The following SPRTN variants were observed in gnomAD, a reference collection of about 807,000 sequenced individuals.
SPRTN encodes DNA-dependent metalloprotease SPRTN.
In SPRTN, 11 loss-of-function variants were observed where a neutral mutation model predicts 31.9. The observed-to-expected ratio is 0.34, with a 90% CI of 0.22 to 0.57. The LOEUF (loss-of-function observed/expected upper bound fraction) is 0.57. Among genes scored for constraint, SPRTN ranks in the 20% least tolerant of loss-of-function variants. SPRTN has a pLI of 0.86. For synonymous variants in SPRTN, 185 were observed against 212.1 expected (o/e 0.87, Z 1.11); for missense variants, 482 against 590.1 (o/e 0.82, Z 1.90).
In SPRTN at chr1:231,351,564, G is replaced by T. The variant is rs144560721; in HGVS notation, c.711G>T (p.Glu237Asp). ...GAAAGGAACCAGTATTGGCCGCAGA[G>T]AATAAAGGTACCTTCGTGTATATTC... is the stretch of plus-strand genomic sequence containing the variant. Reference protein sequence around the residue: ...KLGKEPVLAAENKDKPNRGEA... With the variant: ...KLGKEPVLAADNKDKPNRGEA... Residue 237 changes from glutamate to aspartate, a missense_variant, in exon 4 of 5, where the codon GAG becomes GAT. Around this residue, in one of 2 missense-constraint regions of SPRTN, gnomAD observed 325 missense variants for 350.2 expected, o/e 0.93. Coordinates refer to ENST00000295050, the MANE Select transcript of SPRTN (RefSeq NM_032018.7). 332 of 1,613,752 alleles carry T rather than the reference G, an allele frequency of 2.1e-4. 2 individuals are homozygous for T. In the East Asian group the frequency reaches 5.3e-3, roughly 26 times the overall value.
At chr1:231,351,091 A>G (rs1687212184) in intron 3 of SPRTN, among the ~76,000 whole-genome samples, 1 of 151,872 alleles carries the variant, frequency 6.6e-6, no homozygotes, top group African/African-American at 2.4e-5. Flanking sequence ...CAGTTTATGA[A>G]GTATTAACTG....
intron 2 of SPRTN, among the ~76,000 whole-genome samples, chr1:231,346,016 T>A (rs191808616): frequency 2.0e-5 from 3 of 152,212 alleles, no homozygotes; most frequent in African/African-American, 7.2e-5. Flanking sequence ...GGTCTCACTA[T>A]GTTGACCAGG....
intron 3 of SPRTN, among the ~76,000 whole-genome samples, 185 bp downstream of exon 3, chr1:231,348,110 T>C (rs1316790243): frequency 6.6e-6 from 1 of 152,228 alleles, no homozygotes; most frequent in Non-Finnish European, 1.5e-5. Flanking sequence ...GCAGAGCCAG[T>C]GATATCCCTG....
At chr1:231,344,312 T>C (rs1050210674) in intron 2 of SPRTN, among the ~76,000 whole-genome samples, 1 of 152,092 alleles carries the variant, frequency 6.6e-6, no homozygotes, top group African/African-American at 2.4e-5. Context: ...TTGACCTGTC[T>C]GGGTAAGATG....
At chr1:231,349,735 T>TCC (rs1314336199) in intron 3 of SPRTN, among the ~76,000 whole-genome samples, 1 of 152,104 alleles carries the variant, frequency 6.6e-6, no homozygotes, top group Non-Finnish European at 1.5e-5. Flanking sequence ...CCAGGCTGGG[T>TCC]GTGGTGGCTC....
chr1:231,349,258 A>T (rs1021825957), intron 3 of SPRTN, among the ~76,000 whole-genome samples: 1 of 152,178 alleles, frequency 6.6e-6, no homozygotes, highest in Admixed American at 6.5e-5. Flanking sequence ...GATTATAGAC[A>T]TGAGCTACCA....
intron 4 of SPRTN, chr1:231,351,822 TCA>T (rs1307649535): frequency 9.9e-6 from 11 of 1,109,700 alleles, no homozygotes; most frequent in Non-Finnish European, 1.1e-5. Context: ...TTAACTTTTT[TCA>T]GTTTCTTTTT....
intron 2 of SPRTN, among the ~76,000 whole-genome samples, chr1:231,342,497 C>T (rs1055864802): frequency 6.6e-6 from 1 of 150,550 alleles, no homozygotes; most frequent in African/African-American, 2.5e-5. Flanking sequence ...ATGATATGAT[C>T]TCGGCTCACT....
In SPRTN at chr1:231,351,943, A is replaced by G. The variant is rs1291682023; in HGVS notation, c.718+372A>G. The G allele has an allele frequency of 3.9e-6, 4 of 1,014,526 alleles. No homozygotes were observed. In the African/African-American group the frequency reaches 5.2e-5, roughly 13 times the overall value. The allele number at this position is 1,014,526 out of a possible 1,614,324, so 62.8% of individuals were successfully genotyped here. On this transcript the variant is annotated intron_variant, in intron 4 of 4. Transcript: ENST00000295050. Reference sequence around the variant, plus strand: ...CAGAAGGCAAAAAGATTGTCAAAATAAAAACAATAATTCAAGTAACAATGC... The same window carrying G: ...CAGAAGGCAAAAAGATTGTCAAAATGAAAACAATAATTCAAGTAACAATGC...
At chr1:231,343,263 C>T (rs1056840043) in intron 2 of SPRTN, among the ~76,000 whole-genome samples, 1 of 149,286 alleles carries the variant, frequency 6.7e-6, no homozygotes, top group Non-Finnish European at 1.5e-5. Flanking sequence ...GTATATATAC[C>T]CTATAGCCTA....
At chr1:231,352,497 A>G in intron 4 of SPRTN, 113 bp from the exon 5 acceptor site, 1 of 1,479,204 alleles carries the variant, frequency 6.8e-7, no homozygotes, top group Non-Finnish European at 8.9e-7. Flanking sequence ...TGTAAGATGG[A>G]ATAAAATACT....
chr1:231,348,338 C>T (rs1353976177), intron 3 of SPRTN, among the ~76,000 whole-genome samples: 1 of 152,156 alleles, frequency 6.6e-6, no homozygotes, highest in Non-Finnish European at 1.5e-5. Flanking sequence ...AGCAAAGCCT[C>T]AGGTTCAAAA....
Position 231,352,092 on chromosome 1 carries a change from C to T in SPRTN, c.719-518C>T, listed in dbSNP as rs979119590. ...ATATGACATATATTTGCCAGTACTT[C>T]ATCTTCAAGATTTACCCTTTTCCTG... is the stretch of plus-strand genomic sequence containing the variant. On this transcript the variant is annotated intron_variant, in intron 4 of 4. Transcript: ENST00000295050. 7 of 989,240 alleles carry T rather than the reference C, an allele frequency of 7.1e-6. No homozygotes were observed. In the African/African-American group the frequency reaches 1.2e-4, roughly 17 times the overall value. The allele number at this position is 989,240 out of a possible 1,614,324, so 61.3% of individuals were successfully genotyped here. A position where few individuals can be genotyped will look rare whatever the true frequency, so the allele number is the denominator to read the frequency against.
At chr1:231,339,651 G>A (rs1412454613) in intron 1 of SPRTN, 118 bp from the exon 2 acceptor site, 13 of 1,017,872 alleles carry the variant, frequency 1.3e-5, no homozygotes, top group Non-Finnish European at 1.9e-5. Flanking sequence ...CTAACCAAGG[G>A]GGGTATACTT....
chr1:231,349,711 G>A (rs1687164981), intron 3 of SPRTN, among the ~76,000 whole-genome samples: 1 of 152,088 alleles, frequency 6.6e-6, no homozygotes, highest in African/African-American at 2.4e-5. Context: ...ACAGGAATTG[G>A]AAGCAGAACA....
Position 231,353,851 on chromosome 1 carries a change from A to G in SPRTN, c.*490A>G, listed in dbSNP as rs1037065290. 35 of 953,862 alleles carry G rather than the reference A, an allele frequency of 3.7e-5. No homozygotes were observed. Among genetic ancestry groups the G allele is most frequent in the Admixed American group, 6.2e-5 (1 of 16,234 alleles). 59.1% of individuals were successfully genotyped at this position (953,862 alleles called of 1,614,324 possible). The stretch of plus-strand genomic sequence containing the variant: ...TATTGTTTTAGAGTACTCAAATTGT[A>G]TTATTTATTAATTTTTTTGTTTGCA... On this transcript the variant is annotated 3_prime_UTR_variant, in exon 5 of 5. Coordinates refer to ENST00000295050, the MANE Select transcript of SPRTN (RefSeq NM_032018.7).
At chr1:231,340,946 A>G (rs545410360) in intron 2 of SPRTN, among the ~76,000 whole-genome samples, 22 of 152,308 alleles carry the variant, frequency 1.4e-4, no homozygotes, top group Non-Finnish European at 2.8e-4. Flanking sequence ...CAGTGTGAAT[A>G]TACTCAACAC....
At chr1:231,347,766 C>G in intron 2 of SPRTN, 31 bp from the exon 3 acceptor site, 2 of 1,590,434 alleles carry the variant, frequency 1.3e-6, no homozygotes, top group Non-Finnish European at 1.7e-6. Context: ...CATACAGACT[C>G]TAAAACTAAT....
At chr1:231,352,376 A>G in intron 4 of SPRTN, 1 of 1,197,348 alleles carries the variant, frequency 8.4e-7, no homozygotes, top group Non-Finnish European at 1.0e-6. Flanking sequence ...TGGCATGATA[A>G]GATTCTTTAT....
Sources: allele counts gnomAD v4.1 joint callset (sites outside exome capture counted in the v4.1 genomes callset), GRCh38; gene constraint gnomAD v4.1.1; regional missense constraint gnomAD v4.1.1; transcripts MANE v1.5; gene names NCBI Gene and HGNC (gene_info 2026-07-23, HGNC 2026-07-21).